The following CCDC146 variants were observed in gnomAD, a reference collection of about 807,000 sequenced individuals.
The protein encoded by CCDC146 is coiled-coil domain-containing protein 146.
In CCDC146, 92 loss-of-function variants were observed where a neutral mutation model predicts 119.3. The observed-to-expected ratio is 0.77, with a 90% CI of 0.65 to 0.92. CCDC146 has a LOEUF of 0.92. Among genes scored for constraint, CCDC146 ranks in the 40% least tolerant of loss-of-function variants. The pLI is 0.00. For synonymous variants in CCDC146, 372 were observed against 371.8 expected, an observed-to-expected ratio of 1.00 and a Z score of -0.01; for missense variants, 1,000 against 1,103.0, an observed-to-expected ratio of 0.91 and a Z score of 1.32.
intron 17 of CCDC146, among the ~76,000 whole-genome samples, chr7:77,290,402 A>G (rs373092733): frequency 6.6e-6 from 1 of 152,202 alleles, no homozygotes; most frequent in African/African-American, 2.4e-5. Flanking sequence ...AGAAAAAAGA[A>G]GAAAAAAAAA....
intron 2 of CCDC146, among the ~76,000 whole-genome samples, chr7:77,202,006 T>G (rs978533887): frequency 6.6e-6 from 1 of 152,262 alleles, no homozygotes; most frequent in Non-Finnish European, 1.5e-5. Context: ...CTTGACTGAC[T>G]AGAGTATAAA....
At chr7:77,245,513 T>C (rs1400824534) in intron 4 of CCDC146, among the ~76,000 whole-genome samples, 1 of 152,154 alleles carries the variant, frequency 6.6e-6, no homozygotes, top group Non-Finnish European at 1.5e-5. Flanking sequence ...AACAAGGCTG[T>C]GGTGAGCTGG....
intron 17 of CCDC146, among the ~76,000 whole-genome samples, chr7:77,292,336 C>T (rs1282604208): frequency 6.7e-6 from 1 of 148,542 alleles, no homozygotes; most frequent in Non-Finnish European, 1.5e-5. Flanking sequence ...ACATCCCTGG[C>T]CAGGCGCGGT....
At chr7:77,156,139 A>C (rs1037962211) in intron 1 of CCDC146, among the ~76,000 whole-genome samples, 2 of 152,204 alleles carry the variant, frequency 1.3e-5, no homozygotes, top group African/African-American at 2.4e-5. Context: ...TGTTGCAATT[A>C]ACAGATTCCT....
chr7:77,173,891 C>T (rs1455211400), intron 2 of CCDC146, among the ~76,000 whole-genome samples: 1 of 152,180 alleles, frequency 6.6e-6, no homozygotes, highest in South Asian at 2.1e-4. Context: ...TTATGTATGC[C>T]TATAACCAAC....
intron 11 of CCDC146, 48 bp downstream of exon 11, chr7:77,274,700 G>A (rs200235005): frequency 4.7e-5 from 70 of 1,477,970 alleles, no homozygotes; most frequent in East Asian, 9.1e-5. Flanking sequence ...AGAGTTCAGG[G>A]TAGCCTCATT....
chr7:77,286,156 G>A (rs890120113), intron 15 of CCDC146, among the ~76,000 whole-genome samples: 1 of 152,196 alleles, frequency 6.6e-6, no homozygotes. Flanking sequence ...TCTGCATCTG[G>A]TGAGGGCCTC....
Position 77,287,426 on chromosome 7 carries a change from A to C in CCDC146, c.2278-14A>C. The C allele has an allele frequency of 1.2e-6, 2 of 1,613,196 alleles. No homozygotes were observed. Among genetic ancestry groups the C allele is most frequent in the Non-Finnish European group, 1.7e-6 (2 of 1,179,656 alleles). On this transcript the variant is annotated splice_polypyrimidine_tract_variant and intron_variant, in intron 16 of 18. Transcript: ENST00000285871. ...CTTTTTTTTTATTCCTCTTGAACCA[A>C]TTTTCAAACATAGCTGGAACTACAA...
intron 11 of CCDC146, among the ~76,000 whole-genome samples, chr7:77,276,757 GGAGA>G (rs1036901294): frequency 3.3e-5 from 5 of 152,136 alleles, no homozygotes; most frequent in Admixed American, 3.3e-4. Flanking sequence ...GACAAGGAGA[GGAGA>G]GAGGAGAGAT....
intron 1 of CCDC146, among the ~76,000 whole-genome samples, chr7:77,145,413 C>T (rs950547578): frequency 6.6e-6 from 1 of 151,460 alleles, no homozygotes; most frequent in Non-Finnish European, 1.5e-5. Flanking sequence ...GTGTCTCTAT[C>T]TCCTTCAGTT....
rs3108428 is a variant in CCDC146 at position 77,256,452 on chromosome 7, A to G, written c.627A>G (p.Gln209=). The G allele has an allele frequency of 0.66, 1,065,980 of 1,606,554 alleles. 362,686 individuals carry two copies. Among genetic ancestry groups the G allele is most frequent in the Non-Finnish European group, 0.7 (826,438 of 1,177,012 alleles). ...LREDLASKQK[Q]LLKEQKELEE... ...AAGATTTGGCATCTAAACAAAAGCA[A>G]TTATTAAAAGAGCAGAAGGAACTAG... The change falls in exon 6 of 19, where the codon CAA becomes CAG. Residue 209 remains glutamine (Q), a synonymous_variant. Coordinates refer to ENST00000285871, the MANE Select transcript of CCDC146 (RefSeq NM_020879.3).
intron 1 of CCDC146, among the ~76,000 whole-genome samples, chr7:77,129,195 T>C (rs1180703575): frequency 2.0e-5 from 3 of 152,182 alleles, no homozygotes; most frequent in Non-Finnish European, 2.9e-5. Context: ...AATCTTGCAC[T>C]GTCTCACTCC....
intron 2 of CCDC146, among the ~76,000 whole-genome samples, chr7:77,224,114 G>T (rs1353012670): frequency 1.3e-5 from 2 of 152,190 alleles, no homozygotes; most frequent in Non-Finnish European, 2.9e-5. Context: ...TTCTGTTGCT[G>T]CCATAACAAA....
chr7:77,179,776 G>A (rs1342234392), intron 2 of CCDC146, among the ~76,000 whole-genome samples: 2 of 152,094 alleles, frequency 1.3e-5, no homozygotes, highest in African/African-American at 4.8e-5. Context: ...TTTGTGTTAA[G>A]TATATTCACA....
chr7:77,218,545 G>A (rs936231592), intron 2 of CCDC146, among the ~76,000 whole-genome samples: 2 of 151,666 alleles, frequency 1.3e-5, no homozygotes, highest in Non-Finnish European at 2.9e-5. Context: ...TGAATCCAGT[G>A]TCATCAAGCA....
At chr7:77,141,504 A>C (rs1325616793) in intron 1 of CCDC146, among the ~76,000 whole-genome samples, 2 of 152,218 alleles carry the variant, frequency 1.3e-5, no homozygotes, top group East Asian at 1.9e-4. Flanking sequence ...ACTGTCTTCC[A>C]CAATGGTTGA....
chr7:77,171,187 G>A (rs1192721563), intron 2 of CCDC146, among the ~76,000 whole-genome samples: 1 of 152,162 alleles, frequency 6.6e-6, no homozygotes, highest in Admixed American at 6.5e-5. Flanking sequence ...GTAAGCTCAT[G>A]CATTTTTAGG....
chr7:77,207,410 C>T (rs1792100518), intron 2 of CCDC146, among the ~76,000 whole-genome samples: 1 of 152,090 alleles, frequency 6.6e-6, no homozygotes, highest in Non-Finnish European at 1.5e-5. Flanking sequence ...TTATTTGACA[C>T]AGCTTTTTCT....
At chr7:77,280,803 T>C (rs1793748731) in intron 14 of CCDC146, 150 bp downstream of exon 14, 1 of 636,414 alleles carries the variant, frequency 1.6e-6, no homozygotes, top group South Asian at 2.1e-5. Context: ...GTTGCTTCCC[T>C]GGAAAATAAG....
Sources: gnomAD v4.1 joint callset for allele counts (sites outside exome capture counted in the v4.1 genomes callset) on GRCh38, gnomAD v4.1.1 for gene constraint, MANE v1.5 for transcripts, NCBI Gene and HGNC (gene_info 2026-07-23, HGNC 2026-07-21) for gene names.